The following NADK2 variants were observed in gnomAD, a reference collection of about 807,000 sequenced individuals.
NADK2 encodes the protein NAD kinase domain-containing protein 1, mitochondrial.
Under a neutral mutation model 62.1 loss-of-function variants are expected in NADK2, and 35 were observed. The observed-to-expected ratio is 0.56, with a 90% CI of 0.43 to 0.75. The LOEUF (loss-of-function observed/expected upper bound fraction) is 0.75, where lower values mean the gene tolerates loss of function less well. NADK2 is among the 30% of genes least tolerant of loss of function. NADK2 has a pLI of 0.00. For synonymous variants in NADK2, 205 were observed against 207.9 expected (o/e 0.99, Z 0.12); for missense variants, 439 against 561.3 (o/e 0.78, Z 2.20).
chr5:36,220,711 T>A (rs1747233324), intron 4 of NADK2, among the ~76,000 whole-genome samples: 2 of 152,194 alleles, frequency 1.3e-5, no homozygotes, highest in African/African-American at 4.8e-5. Flanking sequence ...CAACTGCAAG[T>A]CTAAAACCCT....
intron 10 of NADK2, among the ~76,000 whole-genome samples, chr5:36,198,090 A>G (rs908151760): frequency 6.6e-6 from 1 of 152,050 alleles, no homozygotes; most frequent in Non-Finnish European, 1.5e-5. Flanking sequence ...AGCTTGATAT[A>G]AAATGCAGTC....
At chr5:36,211,554 CA>C (rs11387893) in intron 7 of NADK2, among the ~76,000 whole-genome samples, 4 of 146,704 alleles carry the variant, frequency 2.7e-5, no homozygotes, top group East Asian at 2.0e-4. Flanking sequence ...GACTCAGTCT[CA>C]AAAAAAAAAA....
intron 7 of NADK2, among the ~76,000 whole-genome samples, chr5:36,211,580 A>G (rs115638623): frequency 0.037 from 5,623 of 152,118 alleles, 158 homozygotes; most frequent in Non-Finnish European, 0.057. Context: ...TAAAGCATCT[A>G]TATAAACAGA....
At chr5:36,195,523 AGGCT>A (rs1336403314) in intron 11 of NADK2, among the ~76,000 whole-genome samples, 1 of 152,210 alleles carries the variant, frequency 6.6e-6, no homozygotes, top group Non-Finnish European at 1.5e-5. Flanking sequence ...CTGAACTCAC[AGGCT>A]GTTTTCATAT....
intron 5 of NADK2, chr5:36,218,350 A>G (rs1288987131): frequency 6.5e-6 from 1 of 152,754 alleles, no homozygotes; most frequent in African/African-American, 2.4e-5. Flanking sequence ...GAAACAATAA[A>G]TAAAAGTGTT....
chr5:36,208,545 G>A, intron 7 of NADK2: 2 of 1,001,052 alleles, frequency 2.0e-6, no homozygotes, highest in Non-Finnish European at 2.9e-6. Flanking sequence ...ATTCTCACAT[G>A]CAAGATTTAT....
chr5:36,208,507 G>A, intron 7 of NADK2: 1 of 705,464 alleles, frequency 1.4e-6, no homozygotes, highest in Non-Finnish European at 2.3e-6. Context: ...GAGATGCTCA[G>A]CCCAAAATAA....
chr5:36,219,837 C>A (rs1747198294), intron 4 of NADK2, among the ~76,000 whole-genome samples, 158 bp from the exon 5 acceptor site: 2 of 152,086 alleles, frequency 1.3e-5, no homozygotes, highest in South Asian at 4.1e-4. Flanking sequence ...AAATTGTGTT[C>A]TTTAAATAAA....
At chr5:36,215,153 T>TCTC (rs1304862041) in intron 6 of NADK2, among the ~76,000 whole-genome samples, 2 of 152,122 alleles carry the variant, frequency 1.3e-5, no homozygotes, top group African/African-American at 2.4e-5. Context: ...GCTCCAGTCA[T>TCTC]CTCCTCCTCC....
intron 4 of NADK2, among the ~76,000 whole-genome samples, chr5:36,220,296 T>C (rs1318455957): frequency 3.9e-5 from 6 of 152,244 alleles, no homozygotes; most frequent in Admixed American, 3.3e-4. Flanking sequence ...AAGGAGTTCA[T>C]AGCTTGATGT....
Position 36,241,422 on chromosome 5 carries a change from GT to G in NADK2, c.300+76del, listed in dbSNP as rs1748115764. 7.0e-7 allele frequency: 1 copy of G among 1,436,180 alleles called. No individual in the cohort carries two copies. Among genetic ancestry groups the G allele is most frequent in the East Asian group, 3.0e-5 (1 of 33,608 alleles). The allele number at this position is 1,436,180 out of a possible 1,614,324, so 89.0% of individuals were successfully genotyped here. On this transcript the variant is annotated intron_variant, in intron 1 of 11. Coordinates refer to ENST00000381937, the MANE Select transcript of NADK2 (RefSeq NM_001085411.3). The surrounding 1 kb of genome is among the most constrained non-coding windows in gnomAD (Gnocchi z 4.9). ...GCCCTGGGAAGAGTCGTCCCGAGAG[GT>G]CCCCCCGAGGGGGCGCAGCCGCCAC...
In NADK2 at chr5:36,195,284, T is replaced by G; in HGVS notation, c.1191-2A>C. 1.9e-6 allele frequency: 3 copies of G among 1,602,588 alleles called. No individual in the cohort carries two copies. The highest frequency in any genetic ancestry group is 2.6e-6 in the Non-Finnish European group (3 of 1,176,348). On this transcript the variant is annotated splice_acceptor_variant, in intron 11 of 11. Transcript: ENST00000381937. LOFTEE classifies it high-confidence loss of function. ...CAACAACGAGAACGAACACAAACCC[T>G]AGGCAGAAGGAAATATCTCATTAAA...
In NADK2 at chr5:36,192,822, T is replaced by C. The variant is rs1746066505; in HGVS notation, c.*2322A>G. 1 of 152,176 alleles carries C rather than the reference T, an allele frequency of 6.6e-6. No homozygotes were observed. The highest frequency in any genetic ancestry group is 1.5e-5 in the Non-Finnish European group (1 of 68,022). 9.4% of individuals were successfully genotyped at this position (152,176 alleles called of 1,614,324 possible). ...AACACTTCTGAAACATAACATTTTG[T>C]GAAAACTAGTTTTCAAATAATGACC... On this transcript the variant is annotated 3_prime_UTR_variant, in exon 12 of 12. Coordinates refer to ENST00000381937, the MANE Select transcript of NADK2 (RefSeq NM_001085411.3).
chr5:36,200,214 A>G lies in NADK2; in HGVS notation c.1066+13T>C. The G allele has an allele frequency of 6.4e-7, 1 of 1,564,940 alleles. No individual in the cohort carries two copies. The highest frequency in any genetic ancestry group is 8.7e-7 in the Non-Finnish European group (1 of 1,152,346). ...AACTAAACTGTTAGTGATTATTATC[A>G]TTTGTCACTGACCTTTCTCTACCAA... On this transcript the variant is annotated intron_variant, in intron 10 of 11. Transcript: ENST00000381937.
In NADK2 at chr5:36,193,733, T is replaced by G. The variant is rs569955011; in HGVS notation, c.*1411A>C. On this transcript the variant is annotated 3_prime_UTR_variant, in exon 12 of 12. Coordinates refer to ENST00000381937, the MANE Select transcript of NADK2 (RefSeq NM_001085411.3). The stretch of plus-strand genomic sequence containing the variant: ...CTAGATTAACTTTGTACATTAACAT[T>G]TATTTTAAAAAATTGATAAGAACAA... 1 of 152,738 alleles carries G rather than the reference T, an allele frequency of 6.5e-6. No homozygotes were observed. Among genetic ancestry groups the G allele is most frequent in the South Asian group, 2.1e-4 (1 of 4,828 alleles). 9.5% of individuals were successfully genotyped at this position (152,738 alleles called of 1,614,324 possible). A position where few individuals can be genotyped will look rare whatever the true frequency, so the allele number is the denominator to read the frequency against.
intron 2 of NADK2, among the ~76,000 whole-genome samples, chr5:36,227,222 C>G (rs1417921040): frequency 6.6e-6 from 1 of 152,096 alleles, no homozygotes; most frequent in Admixed American, 6.6e-5. Flanking sequence ...AGCTGTGTAA[C>G]TGAATTAACT....
chr5:36,240,240 CACTT>C (rs1020170443), intron 1 of NADK2, among the ~76,000 whole-genome samples: 3 of 151,828 alleles, frequency 2.0e-5, no homozygotes, highest in African/African-American at 7.3e-5. Flanking sequence ...CATTTTCAAA[CACTT>C]AGGAAAAAGA....
In NADK2 at chr5:36,225,469, G is replaced by A. The variant is rs1747446394; in HGVS notation, c.560+73C>T. On this transcript the variant is annotated intron_variant, in intron 4 of 11. Coordinates refer to ENST00000381937, the MANE Select transcript of NADK2 (RefSeq NM_001085411.3). ...CTATGCAATCAAAGCAGAAATGCATGTATGTATAACCTAAAAAAAAACTTA... is the reference window on the plus strand; with the variant it reads ...CTATGCAATCAAAGCAGAAATGCATATATGTATAACCTAAAAAAAAACTTA... The A allele has an allele frequency of 7.1e-6, 8 of 1,124,410 alleles. No homozygotes were observed. The South Asian group carries it at 1.1e-4, about 16-fold the overall frequency. 69.7% of individuals were successfully genotyped at this position (1,124,410 alleles called of 1,614,324 possible).
At chr5:36,210,298 T>A (rs545683876) in intron 7 of NADK2, among the ~76,000 whole-genome samples, 1 of 152,282 alleles carries the variant, frequency 6.6e-6, no homozygotes, top group Non-Finnish European at 1.5e-5. Context: ...TCCACAAAAA[T>A]GTTTTCCAAA....
Sources: gnomAD v4.1 joint callset for allele counts (sites outside exome capture counted in the v4.1 genomes callset) on GRCh38, gnomAD v4.1.1 for gene constraint, Gnocchi (gnomAD v3.1) non-coding constraint, MANE v1.5 for transcripts, NCBI Gene and HGNC (gene_info 2026-07-23, HGNC 2026-07-21) for gene names.